The following PAM variants were observed in gnomAD, a reference collection of about 807,000 sequenced individuals.
PAM encodes the protein peptidyl-glycine alpha-amidating monooxygenase.
A neutral mutation model predicts 122.1 loss-of-function variants in PAM; 72 were observed. The ratio of observed to expected loss-of-function variants is 0.59; its 90% CI spans 0.49 to 0.72. PAM has a LOEUF of 0.72. Among genes scored for constraint, PAM ranks in the 30% least tolerant of loss-of-function variants. The pLI is 0.00. For synonymous variants in PAM, 389 were observed against 404.4 expected, an observed-to-expected ratio of 0.96 and a Z score of 0.46; for missense variants, 1,106 against 1,183.7, an observed-to-expected ratio of 0.93 and a Z score of 0.96.
In PAM at chr5:102,766,926, A is replaced by ATTTTTTTTTTTTTTTTTTT; in HGVS notation, c.-374+11591_-374+11609dup. Among the ~76,000 whole-genome samples, 140 of 25,860 alleles carry ATTTTTTTTTTTTTTTTTTT rather than the reference A, an allele frequency of 5.4e-3. 56 individuals carry two copies. Among genetic ancestry groups the ATTTTTTTTTTTTTTTTTTT allele is most frequent in the East Asian group, 8.5e-3 (6 of 702 alleles). The allele number at this position is 25,860 out of a possible 152,430, so 17.0% of individuals were successfully genotyped here. A position where few individuals can be genotyped will look rare whatever the true frequency, so the allele number is the denominator to read the frequency against. ...ATTTATTTTATTGCTTCAGTTGTGG[A>ATTTTTTTTTTTTTTTTTTT]TTTTTTTTTTTTTTTTTTTTTTTTT... On this transcript the variant is annotated intron_variant, in intron 1 of 25. Transcript: ENST00000438793.
chr5:102,892,713 C>G (rs1252123426), intron 3 of PAM, among the ~76,000 whole-genome samples: 8 of 151,748 alleles, frequency 5.3e-5, no homozygotes, highest in African/African-American at 2.4e-5. Context: ...GAAAATTCTG[C>G]TAATAGTTGC....
chr5:102,865,769 G>A (rs1240923375), intron 1 of PAM, 54 bp from the exon 2 acceptor site: 1 of 160,878 alleles, frequency 6.2e-6, no homozygotes, highest in Non-Finnish European at 1.3e-5. Flanking sequence ...GGGATTTGCT[G>A]AGGACAAATG....
chr5:102,859,411 T>A (rs528777240), intron 1 of PAM, among the ~76,000 whole-genome samples: 1 of 144,972 alleles, frequency 6.9e-6, no homozygotes, highest in Non-Finnish European at 1.5e-5. Flanking sequence ...TTTAATAAGG[T>A]TTTTTTTTAA....
rs1751064699 is a variant in PAM, at chr5:102,758,068, ATTTTGTTTTTTTTTTTTTTTTTTT to A, written c.-374+2725_-374+2748del. ...AAAAAAAAAAAAAAAAAGACTTAGAATTTTGTTTTTTTTTTTTTTTTTTTTTTTTTTTTTTTTTTTCTTGGGGCA... is the reference window on the plus strand; with the variant it reads ...AAAAAAAAAAAAAAAAAGACTTAGAATTTTTTTTTTTTTTTTCTTGGGGCA... On this transcript the variant is annotated intron_variant, in intron 1 of 25. Transcript: ENST00000438793. 8.7e-3 allele frequency among the ~76,000 whole-genome samples: 763 copies of A among 87,644 alleles called. 12 individuals carry two copies. The highest frequency in any genetic ancestry group is 0.029 in the African/African-American group (681 of 23,120). 57.5% of individuals were successfully genotyped at this position (87,644 alleles called of 152,430 possible).
intron 3 of PAM, among the ~76,000 whole-genome samples, chr5:102,892,977 AT>A: frequency 6.6e-6 from 1 of 151,954 alleles, no homozygotes; most frequent in South Asian, 2.1e-4. Flanking sequence ...ACTTTAAAAA[AT>A]TGATCTAATT....
intron 1 of PAM, among the ~76,000 whole-genome samples, chr5:102,828,260 T>C (rs1399802249): frequency 6.6e-6 from 1 of 151,942 alleles, no homozygotes; most frequent in African/African-American, 2.4e-5. Flanking sequence ...GGTGGGAGGA[T>C]TGATTGAGCC....
At chr5:102,997,682 T>C (rs1030449528) in intron 16 of PAM, among the ~76,000 whole-genome samples, 10 of 152,246 alleles carry the variant, frequency 6.6e-5, no homozygotes, top group Non-Finnish European at 4.4e-5. Context: ...TAGATGATCC[T>C]CAAATTAGTT....
chr5:102,852,501 G>T (rs1377238474), intron 1 of PAM, among the ~76,000 whole-genome samples: 1 of 151,842 alleles, frequency 6.6e-6, no homozygotes, highest in Non-Finnish European at 1.5e-5. Flanking sequence ...TTCTGGTTGG[G>T]ATTATTAGAA....
chr5:102,943,216 C>G (rs1373871277), intron 7 of PAM, among the ~76,000 whole-genome samples: 1 of 152,114 alleles, frequency 6.6e-6, no homozygotes, highest in African/African-American at 2.4e-5. Context: ...AGCACTATCT[C>G]TAGAGGAAAA....
intron 1 of PAM, among the ~76,000 whole-genome samples, chr5:102,780,607 C>T (rs1285235504): frequency 1.3e-5 from 2 of 152,020 alleles, no homozygotes; most frequent in Non-Finnish European, 2.9e-5. Flanking sequence ...CCCGACTGAA[C>T]TCCTGCCTAC....
chr5:102,901,014 C>G (rs1315584428), intron 3 of PAM, among the ~76,000 whole-genome samples: 1 of 151,628 alleles, frequency 6.6e-6, no homozygotes, highest in East Asian at 1.9e-4. Flanking sequence ...ATGGTCAAAA[C>G]TAACTTCTAC....
chr5:102,766,434 C>T (rs1753968568), intron 1 of PAM, among the ~76,000 whole-genome samples: 2 of 152,088 alleles, frequency 1.3e-5, no homozygotes. Flanking sequence ...CGTTAGGATT[C>T]CTGCTCCTAT....
chr5:102,954,857 G>A (rs1409035551), intron 12 of PAM, among the ~76,000 whole-genome samples: 2 of 152,020 alleles, frequency 1.3e-5, no homozygotes, highest in African/African-American at 4.8e-5. Context: ...AGTTTTGTTG[G>A]TCATACCTTT....
intron 1 of PAM, among the ~76,000 whole-genome samples, chr5:102,829,600 T>C (rs111935281): frequency 2.6e-5 from 4 of 152,144 alleles, no homozygotes; most frequent in South Asian, 4.1e-4. Flanking sequence ...GGTCTCGATC[T>C]CCTGACCTCA....
At chr5:102,814,888 G>A (rs1769234815) in intron 1 of PAM, among the ~76,000 whole-genome samples, 1 of 151,706 alleles carries the variant, frequency 6.6e-6, no homozygotes, top group African/African-American at 2.4e-5. Context: ...TTTCTTTTGT[G>A]TTCTTTCTGT....
chr5:102,926,979 A>G (rs986709775), intron 7 of PAM, among the ~76,000 whole-genome samples: 2 of 152,000 alleles, frequency 1.3e-5, no homozygotes, highest in Non-Finnish European at 2.9e-5. Context: ...CATTCCAAGC[A>G]ACACTGTTGG....
At chr5:102,758,885 A>G (rs910580506) in intron 1 of PAM, among the ~76,000 whole-genome samples, 1 of 152,146 alleles carries the variant, frequency 6.6e-6, no homozygotes, top group Non-Finnish European at 1.5e-5. Flanking sequence ...AAATGAATAC[A>G]TATATAAAAA....
Position 103,025,187 on chromosome 5 carries a change from C to A in PAM, c.2542C>A (p.Gln848Lys). ...MENKPTSSEL[Q>K]KMQEKQKLIK... ...GAACAAACCCACCTCCTCAGAATTG[C>A]AGAAGATGCAAGAGAAACAGAAACT... Residue 848 changes from glutamine (Q) to lysine (K), a missense_variant, in exon 24 of 26, where the codon CAG becomes AAG. Coordinates refer to ENST00000438793, the MANE Select transcript of PAM (RefSeq NM_001177306.2). The A allele has an allele frequency of 6.2e-7, 1 of 1,613,730 alleles. No individual in the cohort carries two copies. The highest frequency in any genetic ancestry group is 8.5e-7 in the Non-Finnish European group (1 of 1,179,700).
At chr5:102,952,507 T>C (rs1027229979) in intron 12 of PAM, among the ~76,000 whole-genome samples, 6 of 152,164 alleles carry the variant, frequency 3.9e-5, no homozygotes, top group African/African-American at 1.2e-4. Context: ...AAAGGAATTA[T>C]AGGAAATTAA....
Sources: gnomAD v4.1 joint callset for allele counts (sites outside exome capture counted in the v4.1 genomes callset) on GRCh38, gnomAD v4.1.1 for gene constraint, MANE v1.5 for transcripts, NCBI Gene and HGNC (gene_info 2026-07-23, HGNC 2026-07-21) for gene names.